RUFY1: variants seen among roughly 807,000 people sequenced by gnomAD.
RUFY1 encodes RUN and FYVE domain-containing protein 1.
In RUFY1, 54 loss-of-function variants were observed where a neutral mutation model predicts 94.6. The ratio of observed to expected loss-of-function variants is 0.57; its 90% confidence interval spans 0.46 to 0.72. The LOEUF (loss-of-function observed/expected upper bound fraction) is 0.72. RUFY1 is among the 30% of genes least tolerant of loss of function. The pLI is 0.00. For missense variants in RUFY1, 883 were observed against 883.9 expected (o/e 1.00, Z 0.01); for synonymous variants, 396 against 347.3 (o/e 1.14, Z -1.56).
chr5:179,554,975 A>G (rs1034126994), intron 1 of RUFY1, among the ~76,000 whole-genome samples: 29 of 152,262 alleles, frequency 1.9e-4, no homozygotes, highest in Non-Finnish European at 2.9e-4. Flanking sequence ...TCAAAAAAAA[A>G]AAAGGACAAA....
rs577988120 is a variant in RUFY1 at position 179,568,147 on chromosome 5, G to A, written c.704+585G>A. ...TAATCCCAGCTACTCAGGACGCTGA[G>A]GCAGGAGGATTGCTTGAACCCAGGA... On this transcript the variant is annotated intron_variant, in intron 4 of 17. Coordinates refer to ENST00000319449, the MANE Select transcript of RUFY1 (RefSeq NM_025158.5). Among the ~76,000 whole-genome samples, 39 of 152,158 alleles carry A rather than the reference G, an allele frequency of 2.6e-4. No homozygotes were observed. The South Asian group carries it at 6.6e-3, about 26-fold the overall frequency.
At chr5:179,579,657 C>CTTCTTTTTTTTTTTTTT (rs1433456916) in intron 6 of RUFY1, among the ~76,000 whole-genome samples, 3 of 50,562 alleles carry the variant, frequency 5.9e-5, no homozygotes, top group Admixed American at 3.8e-4. Context: ...TTTTCTTCTT[C>CTTCTTTTTTTTTTTTTT]TTTTTTTTTT....
chr5:179,591,360 G>A (rs575577945), intron 9 of RUFY1, among the ~76,000 whole-genome samples: 17 of 149,820 alleles, frequency 1.1e-4, no homozygotes, highest in Non-Finnish European at 2.2e-4. Flanking sequence ...AATTGTTTGT[G>A]TTTTTAGTAG....
At chr5:179,597,550 T>C (rs1191173692) in intron 13 of RUFY1, among the ~76,000 whole-genome samples, 1 of 152,052 alleles carries the variant, frequency 6.6e-6, no homozygotes, top group Non-Finnish European at 1.5e-5. Context: ...TTTTGTATTT[T>C]TATTAGAGAC....
chr5:179,552,049 C>T (rs1761882864), intron 1 of RUFY1, among the ~76,000 whole-genome samples: 1 of 149,164 alleles, frequency 6.7e-6, no homozygotes, highest in Admixed American at 6.8e-5. Flanking sequence ...CCTGTAGTCC[C>T]AGCTACTCAG....
At position 179,550,812 on chromosome 5, in the gene RUFY1, C is replaced by T. The variant is rs1561939931; in HGVS notation, c.243C>T (p.Cys81=). The T allele has an allele frequency of 1.1e-5, 14 of 1,283,872 alleles. No homozygotes were observed. Among genetic ancestry groups the T allele is most frequent in the Non-Finnish European group, 1.4e-5 (14 of 1,018,298 alleles). The allele number at this position is 1,283,872 out of a possible 1,614,324, so 79.5% of individuals were successfully genotyped here. ...CCACCGGGAACCTGTCGGCGAGCTG[C>T]GGGAGCGCGCTGCGCGCGGCCGCGG... is the stretch of plus-strand genomic sequence containing the variant. The part of the protein sequence containing the change: ...RRATGNLSAS[C]GSALRAAAGL... Residue 81 remains cysteine, a synonymous_variant, in exon 1 of 18, where the codon TGC becomes TGT. Coordinates refer to ENST00000319449, the MANE Select transcript of RUFY1 (RefSeq NM_025158.5).
chr5:179,580,920 TCTTC>T (rs1764104020), intron 6 of RUFY1, 23 bp from the exon 7 acceptor site: 1 of 1,400,022 alleles, frequency 7.1e-7, no homozygotes, highest in Admixed American at 1.9e-5. Context: ...AAAAAAAAGT[TCTTC>T]CTTCTTATGC....
intron 1 of RUFY1, among the ~76,000 whole-genome samples, chr5:179,555,184 A>G (rs886665750): frequency 6.6e-6 from 1 of 152,098 alleles, no homozygotes; most frequent in African/African-American, 2.4e-5. Flanking sequence ...TTTAAGAATT[A>G]ACATGCTGGC....
intron 1 of RUFY1, among the ~76,000 whole-genome samples, chr5:179,554,059 C>T (rs72822583): frequency 0.024 from 3,632 of 152,236 alleles, 70 homozygotes; most frequent in Non-Finnish European, 0.032. Context: ...CAGGGCCAGG[C>T]CCAAGGCTGA....
At chr5:179,558,356 T>C (rs1561955629) in intron 1 of RUFY1, among the ~76,000 whole-genome samples, 1 of 152,118 alleles carries the variant, frequency 6.6e-6, no homozygotes, top group Non-Finnish European at 1.5e-5. Context: ...GCGGATCACC[T>C]GAGGTTGGAA....
At chr5:179,577,009 C>CA (rs1763663594) in intron 5 of RUFY1, 66 bp from the exon 6 acceptor site, 1 of 1,089,428 alleles carries the variant, frequency 9.2e-7, no homozygotes, top group African/African-American at 1.6e-5. Context: ...ACCTGAATTT[C>CA]AAAGGTTGTA....
At position 179,593,553 on chromosome 5, in the gene RUFY1, G is replaced by A. The variant is rs2127557238; in HGVS notation, c.1321G>A (p.Asp441Asn). Residue 441 changes from aspartate to asparagine, a missense_variant, in exon 11 of 18, where the codon GAC becomes AAC. Coordinates refer to ENST00000319449, the MANE Select transcript of RUFY1 (RefSeq NM_025158.5). ...MEIAMKLLEK[D>N]THEKQDTLVA... ...AATTGCAATGAAGTTACTGGAAAAG[G>A]ACACCCACGAGAAGCAGGACACACT... 6.2e-7 allele frequency: 1 copy of A among 1,614,082 alleles called. No homozygotes were observed. The highest frequency in any genetic ancestry group is 1.1e-5 in the South Asian group (1 of 91,086).
At chr5:179,563,746 T>C (rs1365138992) in intron 3 of RUFY1, among the ~76,000 whole-genome samples, 2 of 151,610 alleles carry the variant, frequency 1.3e-5, no homozygotes, top group East Asian at 3.9e-4. Context: ...ATCTCAGCTC[T>C]CTGCAACCTC....
chr5:179,571,112 A>C (rs1443249898), intron 5 of RUFY1, among the ~76,000 whole-genome samples: 1 of 152,260 alleles, frequency 6.6e-6, no homozygotes, highest in Non-Finnish European at 1.5e-5. Context: ...AACGAGAGAT[A>C]TAAACCATTT....
rs754723455 is a variant in RUFY1 at position 179,594,983 on chromosome 5, A to C, written c.1511+20A>C. 1.2e-5 allele frequency: 18 copies of C among 1,510,322 alleles called. No homozygotes were observed. In the South Asian group the frequency reaches 1.5e-4, roughly 12 times the overall value. 93.6% of individuals were successfully genotyped at this position (1,510,322 alleles called of 1,614,324 possible). The stretch of plus-strand genomic sequence containing the variant: ...AGAAAGGTAATCACTTCCCCCTGGC[A>C]GATATTCTCGGGAAGGCTCTGAGCA... On this transcript the variant is annotated intron_variant, in intron 12 of 17. Transcript: ENST00000319449.
chr5:179,605,801 G>A, intron 15 of RUFY1, 75 bp from the exon 16 acceptor site: 1 of 990,340 alleles, frequency 1.0e-6, no homozygotes, highest in South Asian at 1.3e-5. Flanking sequence ...AGCTAGTCCT[G>A]AGAGCCAGCT....
chr5:179,561,980 G>A (rs538337971), intron 2 of RUFY1, among the ~76,000 whole-genome samples: 4 of 150,962 alleles, frequency 2.6e-5, no homozygotes, highest in South Asian at 2.1e-4. Flanking sequence ...CACTGTGCCC[G>A]GCTGAGGCGC....
At chr5:179,597,231 GTGTTT>G (rs903561004) in intron 13 of RUFY1, among the ~76,000 whole-genome samples, 8 of 151,116 alleles carry the variant, frequency 5.3e-5, no homozygotes, top group Non-Finnish European at 7.4e-5. Flanking sequence ...TTTTGTGTTT[GTGTTT>G]TGTTTTGTTT....
intron 6 of RUFY1, 48 bp downstream of exon 6, chr5:179,577,184 T>C (rs1421609407): frequency 7.9e-7 from 1 of 1,264,970 alleles, no homozygotes; most frequent in Admixed American, 2.2e-5. Context: ...TTTTTTTTTT[T>C]TTTTTGAGAC....
Sources: allele counts gnomAD v4.1 joint callset (sites outside exome capture counted in the v4.1 genomes callset), GRCh38; gene constraint gnomAD v4.1.1; transcripts MANE v1.5; gene names NCBI Gene and HGNC (gene_info 2026-07-23, HGNC 2026-07-21).